The following ASIC2 variants were observed in gnomAD, a reference collection of about 807,000 sequenced individuals.
ASIC2 encodes the protein acid sensing ion channel subunit 2.
Under a neutral mutation model 57.3 loss-of-function variants are expected in ASIC2, and 25 were observed. The observed-to-expected ratio is 0.44, with a 90% CI of 0.32 to 0.61. ASIC2 has a LOEUF of 0.61. ASIC2 is among the 20% of genes least tolerant of loss of function. The pLI is 0.06. For synonymous variants in ASIC2, 319 were observed against 307.5 expected, an observed-to-expected ratio of 1.04 and a Z score of -0.39; for missense variants, 641 against 738.1, an observed-to-expected ratio of 0.87 and a Z score of 1.52.
intron 1 of ASIC2, among the ~76,000 whole-genome samples, chr17:33,700,740 G>A (rs1426638360): frequency 6.6e-6 from 1 of 152,152 alleles, no homozygotes. Flanking sequence ...TTCAATCCAT[G>A]CGTTGATCAC....
chr17:33,651,605 G>A (rs1906921414), intron 1 of ASIC2, among the ~76,000 whole-genome samples: 1 of 152,180 alleles, frequency 6.6e-6, no homozygotes, highest in African/African-American at 2.4e-5. Context: ...CATTTCAGAT[G>A]GAGAGCAAGG....
intron 1 of ASIC2, among the ~76,000 whole-genome samples, chr17:33,861,570 C>A (rs1285696830): frequency 6.6e-6 from 1 of 152,140 alleles, no homozygotes; most frequent in Admixed American, 6.5e-5. Flanking sequence ...TGTATCAGAG[C>A]TTTATGTAAT....
intron 1 of ASIC2, among the ~76,000 whole-genome samples, chr17:33,145,570 T>C (rs892692180): frequency 1.3e-5 from 2 of 152,230 alleles, no homozygotes; most frequent in African/African-American, 4.8e-5. Context: ...ATGCATAAGA[T>C]ATTTCCAACA....
chr17:34,093,171 G>A (rs754326813), intron 1 of ASIC2, among the ~76,000 whole-genome samples: 6 of 151,998 alleles, frequency 3.9e-5, no homozygotes, highest in African/African-American at 9.7e-5. Flanking sequence ...GAACATTCTC[G>A]AGCCTGAGTC....
intron 1 of ASIC2, among the ~76,000 whole-genome samples, chr17:33,718,620 G>T (rs997014193): frequency 2.0e-5 from 3 of 152,182 alleles, no homozygotes; most frequent in Admixed American, 1.3e-4. Flanking sequence ...GTCCTTGCGA[G>T]CAGACACCTG....
In ASIC2 at chr17:33,588,635, A is replaced by G. The variant is rs115118783; in HGVS notation, c.556-476568T>C. Among the ~76,000 whole-genome samples the G allele has an allele frequency of 4.1e-4, 63 of 152,376 alleles. No individual in the cohort carries two copies. In the East Asian group the frequency reaches 6.9e-3, roughly 17 times the overall value. On this transcript the variant is annotated intron_variant, in intron 1 of 9. Transcript: ENST00000359872. The stretch of plus-strand genomic sequence containing the variant: ...AAGACAGAAAGAGTAAACAAGTAAT[A>G]TAACACCGTGAGACAAGTGTGAGGA...
intron 1 of ASIC2, among the ~76,000 whole-genome samples, chr17:33,448,214 AT>A (rs1912108305): frequency 6.6e-6 from 1 of 151,938 alleles, no homozygotes; most frequent in African/African-American, 2.4e-5. Flanking sequence ...GCCAAATGCC[AT>A]TTTTTGGCTA....
At chr17:33,505,127 T>C (rs1228843747) in intron 1 of ASIC2, among the ~76,000 whole-genome samples, 1 of 152,124 alleles carries the variant, frequency 6.6e-6, no homozygotes, top group African/African-American at 2.4e-5. Context: ...TTGGTGATAG[T>C]GTACAAGGCA....
chr17:33,226,483 C>T (rs191123900), intron 1 of ASIC2, among the ~76,000 whole-genome samples: 58 of 152,272 alleles, frequency 3.8e-4, no homozygotes, highest in African/African-American at 1.3e-3. Flanking sequence ...CACTATGGTG[C>T]TTGTTCTCAG....
At chr17:33,767,077 T>C (rs1293417166) in intron 1 of ASIC2, among the ~76,000 whole-genome samples, 1 of 152,252 alleles carries the variant, frequency 6.6e-6, no homozygotes, top group Non-Finnish European at 1.5e-5. Flanking sequence ...TGGTAGCAGA[T>C]CAGTGTGTGC....
intron 1 of ASIC2, among the ~76,000 whole-genome samples, chr17:33,312,199 A>G (rs879655734): frequency 6.6e-6 from 1 of 152,248 alleles, no homozygotes; most frequent in Non-Finnish European, 1.5e-5. Context: ...AGAGCAATAT[A>G]GGTAACCTGT....
At chr17:33,767,061 G>A (rs546119231) in intron 1 of ASIC2, among the ~76,000 whole-genome samples, 11 of 152,340 alleles carry the variant, frequency 7.2e-5, no homozygotes, top group East Asian at 3.9e-4. Flanking sequence ...CATTTGTAAA[G>A]CATCTTGGTA....
Position 33,563,244 on chromosome 17 carries a change from C to T in ASIC2, c.556-451177G>A, listed in dbSNP as rs149026880. On this transcript the variant is annotated intron_variant, in intron 1 of 9. Coordinates refer to the ASIC2 transcript ENST00000359872. ...AGGACAAGAAGGGAAATGACATTTGCACAGTATTTGTCCTGTACCAGACAC... is the reference window on the plus strand; with the variant it reads ...AGGACAAGAAGGGAAATGACATTTGTACAGTATTTGTCCTGTACCAGACAC... Among the ~76,000 whole-genome samples, 7 of 152,308 alleles carry T rather than the reference C, an allele frequency of 4.6e-5. No homozygotes were observed. In the East Asian group the frequency reaches 1.3e-3, roughly 29 times the overall value.
At chr17:34,053,569 T>G (rs1035739577) in intron 1 of ASIC2, among the ~76,000 whole-genome samples, 3 of 152,236 alleles carry the variant, frequency 2.0e-5, no homozygotes, top group Admixed American at 2.0e-4. Flanking sequence ...CACTGTGCAC[T>G]AAACATTTTT....
At chr17:33,494,929 T>C (rs1194876966) in intron 1 of ASIC2, among the ~76,000 whole-genome samples, 1 of 152,226 alleles carries the variant, frequency 6.6e-6, no homozygotes, top group Non-Finnish European at 1.5e-5. Context: ...TGACCTGCTG[T>C]GCTCCAGGGT....
At chr17:33,394,601 G>C (rs1910010778) in intron 1 of ASIC2, among the ~76,000 whole-genome samples, 2 of 152,162 alleles carry the variant, frequency 1.3e-5, no homozygotes, top group Admixed American at 1.3e-4. Flanking sequence ...CAGAGCTGAG[G>C]GGACATGATC....
intron 1 of ASIC2, among the ~76,000 whole-genome samples, chr17:33,799,466 CTTTCTTTCTTTCCTTCT>C (rs1912059117): frequency 3.1e-5 from 4 of 127,320 alleles, no homozygotes; most frequent in Non-Finnish European, 5.0e-5. Context: ...TTCTTTCTTT[CTTTCTTTCTTTCCTTCT>C]TTCTTTCTTT....
At chr17:33,733,520 A>G (rs1909812071) in intron 1 of ASIC2, among the ~76,000 whole-genome samples, 1 of 152,168 alleles carries the variant, frequency 6.6e-6, no homozygotes, top group African/African-American at 2.4e-5. Context: ...GGAGACCTCA[A>G]TCATGTGCAT....
At position 34,134,268 on chromosome 17, in the gene ASIC2, C is replaced by T. The variant is rs532233169; in HGVS notation, c.555+21710G>A. ...TTTGAAATGTTGTAAATGGTCACTT[C>T]TCTCTGTGACCGCCCTATCACCCTC... On this transcript the variant is annotated intron_variant, in intron 1 of 9. Coordinates refer to the ASIC2 transcript ENST00000359872. 3.3e-5 allele frequency among the ~76,000 whole-genome samples: 5 copies of T among 152,276 alleles called. No individual in the cohort carries two copies. The South Asian group carries it at 8.3e-4, about 25-fold the overall frequency.
Sources: allele counts gnomAD v4.1 joint callset (sites outside exome capture counted in the v4.1 genomes callset), GRCh38; gene constraint gnomAD v4.1.1; transcripts MANE v1.5; gene names NCBI Gene and HGNC (gene_info 2026-07-23, HGNC 2026-07-21).